The following STYX variants were observed in gnomAD, a reference collection of about 807,000 sequenced individuals.
STYX encodes serine/threonine/tyrosine-interacting protein.
Under a neutral mutation model 42.7 loss-of-function variants are expected in STYX, and 20 were observed. That is an observed-to-expected ratio of 0.47 (90% CI 0.33 to 0.68). The LOEUF is 0.68. Ranked by LOEUF, STYX falls within the 30% of genes least tolerant of loss-of-function variation. The pLI, the probability that STYX is intolerant of heterozygous loss-of-function variation, is 0.02. For missense variants in STYX, 226 were observed against 268.5 expected, an observed-to-expected ratio of 0.84 and a Z score of 1.11; for synonymous variants, 78 against 81.9, an observed-to-expected ratio of 0.95 and a Z score of 0.26.
At chr14:52,758,308 C>T (rs1013193178) in intron 8 of STYX, among the ~76,000 whole-genome samples, 6 of 152,150 alleles carry the variant, frequency 3.9e-5, no homozygotes, top group Admixed American at 6.6e-5. Flanking sequence ...TCAGAGTAGT[C>T]TTTCTTATCA....
intron 8 of STYX, 79 bp downstream of exon 8, chr14:52,758,003 G>A: frequency 6.8e-7 from 1 of 1,478,838 alleles, no homozygotes; most frequent in Non-Finnish European, 9.3e-7. Flanking sequence ...TTGGAAGTTT[G>A]AAGTTCTTAT....
chr14:52,733,573 C>T (rs1435815075), intron 1 of STYX, among the ~76,000 whole-genome samples: 2 of 152,172 alleles, frequency 1.3e-5, no homozygotes, highest in Non-Finnish European at 2.9e-5. Context: ...GTTCCCGTTA[C>T]TCCCTCCTTG....
chr14:52,757,752 T>C lies in STYX; in HGVS notation c.350T>C (p.Leu117Pro). The change falls in exon 7 of 11, where the codon CTT becomes CCT. Residue 117 changes from leucine to proline, a missense_variant. Leu to Pro is a moderately conservative substitution (Grantham distance 98). Coordinates refer to ENST00000354586, the MANE Select transcript of STYX (RefSeq NM_145251.4). ...AATTCATGTTTTTCAGGAAAAGTTC[T>C]TGTGCATGGAAATGCAGGGATCTCC... ...DGSLQMGGKV[L>P]VHGNAGISRS... The C allele has an allele frequency of 6.2e-7, 1 of 1,613,530 alleles. No homozygotes were observed. The highest frequency in any genetic ancestry group is 8.5e-7 in the Non-Finnish European group (1 of 1,179,730).
rs1461874993 is a variant in STYX, at chr14:52,771,655, C to G, written c.*549C>G. 6.6e-6 allele frequency: 1 copy of G among 152,418 alleles called. No individual in the cohort carries two copies. Among genetic ancestry groups the G allele is most frequent in the Non-Finnish European group, 1.5e-5 (1 of 67,914 alleles). The allele number at this position is 152,418 out of a possible 1,614,324, so 9.4% of individuals were successfully genotyped here. On this transcript the variant is annotated 3_prime_UTR_variant, in exon 11 of 11. Coordinates refer to ENST00000354586, the MANE Select transcript of STYX (RefSeq NM_145251.4). ...CTGCCACATTTCTTTTTTAGTATAA[C>G]TTAATAGCTTAATTACCATTTTATT...
chr14:52,730,594 C>A, intron 1 of STYX, 63 bp downstream of exon 1: 1 of 1,565,958 alleles, frequency 6.4e-7, no homozygotes, highest in Non-Finnish European at 8.7e-7. Context: ...GAGGGGCGAC[C>A]CCAGTCCCCA....
chr14:52,742,365 T>G (rs1371734987), intron 1 of STYX, among the ~76,000 whole-genome samples: 1 of 152,206 alleles, frequency 6.6e-6, no homozygotes, highest in Non-Finnish European at 1.5e-5. Context: ...TGTCTTATGT[T>G]TACAAGTACG....
In STYX at chr14:52,738,644, C is replaced by T. The variant is rs117848083; in HGVS notation, c.58-6208C>T. On this transcript the variant is annotated intron_variant, in intron 1 of 10. Coordinates refer to ENST00000354586, the MANE Select transcript of STYX (RefSeq NM_145251.4). The stretch of plus-strand genomic sequence containing the variant: ...GAAATGCCACTCCAAAATATGACAC[C>T]TTGATATATTGATTACTTTAAGTTG... Among the ~76,000 whole-genome samples the T allele has an allele frequency of 4.7e-4, 72 of 152,278 alleles. 1 individual carries two copies. In the East Asian group the frequency reaches 0.011, roughly 24 times the overall value.
At chr14:52,743,087 C>T (rs577617264) in intron 1 of STYX, among the ~76,000 whole-genome samples, 43 of 151,936 alleles carry the variant, frequency 2.8e-4, no homozygotes, top group Admixed American at 7.9e-4. Flanking sequence ...TGAGCCACCG[C>T]GCCCGGCTTT....
Position 52,764,928 on chromosome 14 carries a change from C to T in STYX, c.505-3912C>T, listed in dbSNP as rs187946487. Among the ~76,000 whole-genome samples, 34 of 152,190 alleles carry T rather than the reference C, an allele frequency of 2.2e-4. 1 individual carries two copies. The South Asian group carries it at 2.5e-3, about 11-fold the overall frequency. ...ATGTGATCCACCCGCCTCAGCATCCCGAAGTGCTGGGATTACGGGCGTGAG... is the reference window on the plus strand; with the variant it reads ...ATGTGATCCACCCGCCTCAGCATCCTGAAGTGCTGGGATTACGGGCGTGAG... On this transcript the variant is annotated intron_variant, in intron 9 of 10. Transcript: ENST00000354586.
At position 52,756,492 on chromosome 14, in the gene STYX, T is replaced by C. The variant is rs1178296350; in HGVS notation, c.243-59T>C. 3.0e-6 allele frequency: 3 copies of C among 989,606 alleles called. No homozygotes were observed. The African/African-American group carries it at 5.1e-5, about 17-fold the overall frequency. The allele number at this position is 989,606 out of a possible 1,614,324, so 61.3% of individuals were successfully genotyped here. Reference sequence around the variant, plus strand: ...TAACAAGAAATAATGAGTTATTTTTTTAAAGTACCTTAAGTGTTTTACTTA... The same window carrying C: ...TAACAAGAAATAATGAGTTATTTTTCTAAAGTACCTTAAGTGTTTTACTTA... On this transcript the variant is annotated intron_variant, in intron 4 of 10. Transcript: ENST00000354586.
chr14:52,749,479 A>G (rs1037725368), intron 3 of STYX, among the ~76,000 whole-genome samples: 2 of 152,226 alleles, frequency 1.3e-5, no homozygotes, highest in Non-Finnish European at 2.9e-5. Context: ...ATTCAAGGTT[A>G]TCTGATTCTC....
intron 10 of STYX, among the ~76,000 whole-genome samples, chr14:52,770,662 A>G (rs1325849535): frequency 1.3e-5 from 2 of 152,104 alleles, no homozygotes; most frequent in Non-Finnish European, 2.9e-5. Flanking sequence ...ATACAAATAC[A>G]AGATTAATTT....
intron 9 of STYX, among the ~76,000 whole-genome samples, chr14:52,765,630 A>G (rs1983869): frequency 0.51 from 77,910 of 152,010 alleles, 20,081 homozygotes; most frequent in South Asian, 0.57. Flanking sequence ...AACCTTTTTC[A>G]CACCAAGGAC....
intron 4 of STYX, 64 bp downstream of exon 4, chr14:52,750,844 C>A: frequency 8.8e-7 from 1 of 1,140,748 alleles, no homozygotes; most frequent in Non-Finnish European, 1.3e-6. Flanking sequence ...TTTGTACCAT[C>A]AGTTGTTTCT....
intron 10 of STYX, among the ~76,000 whole-genome samples, chr14:52,769,655 ATTTCCTTT>A (rs1259128972): frequency 6.6e-6 from 1 of 151,882 alleles, no homozygotes; most frequent in Non-Finnish European, 1.5e-5. Flanking sequence ...TGACTTTTTC[ATTTCCTTT>A]GCCACATCTG....
Position 52,741,440 on chromosome 14 carries a change from G to A in STYX, c.58-3412G>A, listed in dbSNP as rs189047277. On this transcript the variant is annotated intron_variant, in intron 1 of 10. Coordinates refer to ENST00000354586, the MANE Select transcript of STYX (RefSeq NM_145251.4). The stretch of plus-strand genomic sequence containing the variant: ...TCTTTTGATTTTACTTTTGAGTTTC[G>A]TGTGTGTGTGTATGAGAGATGGAGT... Among the ~76,000 whole-genome samples the A allele has an allele frequency of 5.9e-3, 899 of 151,476 alleles. 3 individuals are homozygous for A. Among genetic ancestry groups the A allele is most frequent in the Non-Finnish European group, 9.7e-3 (655 of 67,828 alleles).
Position 52,744,198 on chromosome 14 carries a change from A to G in STYX, c.58-654A>G, listed in dbSNP as rs545808673. ...AGTTTTAAAATATTTTTTATCTTTT[A>G]CCATTGACATTTTGTGTTGTTTTAC... On this transcript the variant is annotated intron_variant, in intron 1 of 10. Coordinates refer to ENST00000354586, the MANE Select transcript of STYX (RefSeq NM_145251.4). 3.3e-5 allele frequency among the ~76,000 whole-genome samples: 5 copies of G among 152,276 alleles called. No homozygotes were observed. In the South Asian group the frequency reaches 8.3e-4, roughly 25 times the overall value.
chr14:52,761,902 A>G (rs1882109303), intron 9 of STYX, among the ~76,000 whole-genome samples: 3 of 125,856 alleles, frequency 2.4e-5, no homozygotes, highest in African/African-American at 6.1e-5. Context: ...AAAATTAGCC[A>G]GGCGTGGTGG....
chr14:52,764,857 C>T (rs1882238564), intron 9 of STYX, among the ~76,000 whole-genome samples: 1 of 151,588 alleles, frequency 6.6e-6, no homozygotes, highest in Admixed American at 6.6e-5. Flanking sequence ...TTGGTAGAGA[C>T]GGGGTTTTGC....
Sources: allele counts gnomAD v4.1 joint callset (sites outside exome capture counted in the v4.1 genomes callset), GRCh38; gene constraint gnomAD v4.1.1; transcripts MANE v1.5; gene names NCBI Gene and HGNC (gene_info 2026-07-23, HGNC 2026-07-21).